Variants in CAMSAP2 observed in about 807,000 individuals in gnomAD.
CAMSAP2 encodes the protein calmodulin-regulated spectrin-associated protein 2.
CAMSAP2 carries 26 observed loss-of-function variants against 146.1 expected under a neutral mutation model. The ratio of observed to expected loss-of-function variants is 0.18; its 90% CI spans 0.13 to 0.25. The LOEUF is 0.25. Ranked by LOEUF, CAMSAP2 falls within the 10% of genes least tolerant of loss-of-function variation. The pLI, the probability that CAMSAP2 is intolerant of heterozygous loss-of-function variation, is 1.00. For missense variants in CAMSAP2, 1,381 were observed against 1,759.3 expected, an observed-to-expected ratio of 0.78 and a Z score of 3.85; for synonymous variants, 499 against 596.6, an observed-to-expected ratio of 0.84 and a Z score of 2.38.
chr1:200,801,994 T>C (rs945745547), intron 2 of CAMSAP2, among the ~76,000 whole-genome samples: 3 of 152,214 alleles, frequency 2.0e-5, no homozygotes, highest in African/African-American at 4.8e-5. Flanking sequence ...AATACTATGG[T>C]GGCAATAGCA....
At chr1:200,784,397 G>A (rs1172482272) in intron 2 of CAMSAP2, among the ~76,000 whole-genome samples, 4 of 151,818 alleles carry the variant, frequency 2.6e-5, no homozygotes, top group Non-Finnish European at 5.9e-5. Flanking sequence ...AACAATTTGT[G>A]TCTTCCAGTG....
chr1:200,807,826 C>T (rs7552653), intron 3 of CAMSAP2, among the ~76,000 whole-genome samples: 25,727 of 150,656 alleles, frequency 0.17, 2,947 homozygotes, highest in East Asian at 0.35. Context: ...CTGCAACCTC[C>T]GCCCTTCAGG....
intron 4 of CAMSAP2, chr1:200,828,700 C>T (rs1450607151): frequency 8.6e-7 from 1 of 1,167,908 alleles, no homozygotes; most frequent in African/African-American, 1.5e-5. Context: ...TCATGTAATT[C>T]TGTTAGTCAT....
intron 4 of CAMSAP2, among the ~76,000 whole-genome samples, chr1:200,816,744 A>G (rs796106630): frequency 1.2e-5 from 1 of 80,026 alleles, no homozygotes; most frequent in South Asian, 6.0e-4. Context: ...GTACACACAC[A>G]CGCGTGTATA....
At chr1:200,822,139 TACACACACACACACACACAC>T (rs150135269) in intron 4 of CAMSAP2, among the ~76,000 whole-genome samples, 9 of 146,338 alleles carry the variant, frequency 6.2e-5, no homozygotes, top group Admixed American at 2.0e-4. Flanking sequence ...TCTCTCGCTC[TACACACACACACACACACAC>T]ACACACACAC....
intron 2 of CAMSAP2, among the ~76,000 whole-genome samples, chr1:200,788,418 A>G (rs552517871): frequency 6.6e-6 from 1 of 152,276 alleles, no homozygotes; most frequent in Admixed American, 6.5e-5. Context: ...TTGCTGGATC[A>G]TAGAGTAATA....
At chr1:200,804,177 C>T (rs1402423002) in intron 2 of CAMSAP2, among the ~76,000 whole-genome samples, 1 of 152,088 alleles carries the variant, frequency 6.6e-6, no homozygotes, top group African/African-American at 2.4e-5. Flanking sequence ...CTGCCCACCT[C>T]GGCCTCCCAA....
chr1:200,781,702 G>A (rs12081920), intron 2 of CAMSAP2, among the ~76,000 whole-genome samples: 25,863 of 151,576 alleles, frequency 0.17, 2,921 homozygotes, highest in East Asian at 0.35. Flanking sequence ...CACTATACCC[G>A]GCTAATTTTT....
chr1:200,846,816 TGAGCA>T (rs1190564595), intron 8 of CAMSAP2, among the ~76,000 whole-genome samples: 10 of 152,338 alleles, frequency 6.6e-5, no homozygotes, highest in African/African-American at 2.4e-4. Context: ...AACAGGTCCG[TGAGCA>T]GAGAGGCTGT....
At chr1:200,825,938 CTGTTATA>C (rs1245465611) in intron 4 of CAMSAP2, among the ~76,000 whole-genome samples, 2 of 152,150 alleles carry the variant, frequency 1.3e-5, no homozygotes, top group Non-Finnish European at 1.5e-5. Flanking sequence ...GCACAGAATA[CTGTTATA>C]TGTGGCCTTT....
chr1:200,817,175 T>TAC (rs1558192016), intron 4 of CAMSAP2, among the ~76,000 whole-genome samples: 1 of 63,428 alleles, frequency 1.6e-5, no homozygotes, highest in African/African-American at 1.0e-4. Context: ...CGTGTGTGTA[T>TAC]ATACACACAC....
At chr1:200,755,708 C>T (rs1485828256) in intron 1 of CAMSAP2, among the ~76,000 whole-genome samples, 1 of 152,146 alleles carries the variant, frequency 6.6e-6, no homozygotes, top group Non-Finnish European at 1.5e-5. Flanking sequence ...TATTTGAGTG[C>T]GTACTGTGTT....
intron 4 of CAMSAP2, among the ~76,000 whole-genome samples, chr1:200,820,933 T>C (rs1422831901): frequency 6.6e-6 from 1 of 152,174 alleles, no homozygotes; most frequent in Non-Finnish European, 1.5e-5. Flanking sequence ...TATAATTTTG[T>C]ACTTAAGTTG....
chr1:200,751,462 G>T (rs1664504209), intron 1 of CAMSAP2, among the ~76,000 whole-genome samples: 1 of 148,250 alleles, frequency 6.7e-6, no homozygotes, highest in Non-Finnish European at 1.5e-5. Flanking sequence ...CTTGAATCAG[G>T]AGGCGGAGGT....
intron 4 of CAMSAP2, among the ~76,000 whole-genome samples, chr1:200,820,039 T>G (rs1666707289): frequency 6.6e-6 from 1 of 151,976 alleles, no homozygotes; most frequent in Admixed American, 6.6e-5. Context: ...ATATAGAGAA[T>G]GAAGTTTAAT....
intron 1 of CAMSAP2, among the ~76,000 whole-genome samples, chr1:200,743,809 C>T (rs1447922160): frequency 6.6e-6 from 1 of 151,944 alleles, no homozygotes; most frequent in Non-Finnish European, 1.5e-5. Context: ...GGCATGGTGG[C>T]GAGTGCCTGT....
At position 200,816,880 on chromosome 1, in the gene CAMSAP2, A is replaced by G. The variant is rs529671237; in HGVS notation, c.645+1236A>G. 5.6e-3 allele frequency among the ~76,000 whole-genome samples: 383 copies of G among 67,924 alleles called. 105 individuals are homozygous for G. Among genetic ancestry groups the G allele is most frequent in the Non-Finnish European group, 7.9e-3 (275 of 34,672 alleles). 44.6% of individuals were successfully genotyped at this position (67,924 alleles called of 152,430 possible). ...CGCGTGTGTATGTGTGTACACACAC[A>G]CGCGTGTGTATGTGTGTACACACAC... On this transcript the variant is annotated intron_variant, in intron 4 of 16. Coordinates refer to ENST00000358823, the MANE Select transcript of CAMSAP2 (RefSeq NM_203459.4).
At chr1:200,796,179 G>A (rs1665878937) in intron 2 of CAMSAP2, among the ~76,000 whole-genome samples, 1 of 152,136 alleles carries the variant, frequency 6.6e-6, no homozygotes, top group Non-Finnish European at 1.5e-5. Flanking sequence ...GGGTATAACA[G>A]CAGTACGTCT....
chr1:200,855,313 T>A (rs1482811508), intron 14 of CAMSAP2, among the ~76,000 whole-genome samples: 1 of 152,094 alleles, frequency 6.6e-6, no homozygotes, highest in Non-Finnish European at 1.5e-5. Context: ...TTAGGAAGGA[T>A]CTCTTTTGTA....
Sources: gnomAD v4.1 joint callset for allele counts (sites outside exome capture counted in the v4.1 genomes callset) on GRCh38, gnomAD v4.1.1 for gene constraint, MANE v1.5 for transcripts, NCBI Gene and HGNC (gene_info 2026-07-23, HGNC 2026-07-21) for gene names.